The following KCNH8 variants were observed in gnomAD, a reference collection of about 807,000 sequenced individuals.
KCNH8 encodes the protein voltage-gated delayed rectifier potassium channel KCNH8.
In KCNH8, 70 loss-of-function variants were observed where a neutral mutation model predicts 103.6. The observed-to-expected ratio is 0.68, with a 90% CI of 0.56 to 0.82. KCNH8 has a LOEUF of 0.82. KCNH8 is among the 40% of genes least tolerant of loss of function. The probability of loss-of-function intolerance (pLI) is 0.00; values close to 1 mark genes in which losing one functional copy is unlikely to be tolerated. For missense variants in KCNH8, 1,217 were observed against 1,329.9 expected, an observed-to-expected ratio of 0.92 and a Z score of 1.32; for synonymous variants, 498 against 489.4, an observed-to-expected ratio of 1.02 and a Z score of -0.23.
rs2065748767 is a variant in KCNH8, at chr3:19,347,858, T to C, written c.704T>C (p.Val235Ala). The change falls in exon 5 of 16, where the codon GTT becomes GCT. Residue 235 changes from valine to alanine, a missense_variant. Physicochemically the swap from Val to Ala is moderately conservative, Grantham distance 64. Transcript: ENST00000328405. Reference sequence around the variant, plus strand: ...CTTATTTTGTTGGCAACGTTTTATGTTGCTGTGACTGTACCTTACAACGTT... The same window carrying C: ...CTTATTTTGTTGGCAACGTTTTATGCTGCTGTGACTGTACCTTACAACGTT... ...DWLILLATFYVAVTVPYNVCF... is the reference protein window; with the variant it reads ...DWLILLATFYAAVTVPYNVCF... 2 of 1,613,436 alleles carry C rather than the reference T, an allele frequency of 1.2e-6. No individual in the cohort carries two copies. Among genetic ancestry groups the C allele is most frequent in the Non-Finnish European group, 1.7e-6 (2 of 1,179,512 alleles).
intron 11 of KCNH8, among the ~76,000 whole-genome samples, chr3:19,494,332 G>A (rs894718483): frequency 2.0e-5 from 3 of 152,112 alleles, no homozygotes; most frequent in Admixed American, 6.6e-5. Flanking sequence ...ATGGGAGTGG[G>A]CCTTTCCCTT....
chr3:19,187,409 C>G (rs7429784), intron 1 of KCNH8, among the ~76,000 whole-genome samples: 2 of 151,952 alleles, frequency 1.3e-5, no homozygotes, highest in Non-Finnish European at 2.9e-5. Context: ...ACAACGGAGC[C>G]TATGCTAAAA....
intron 7 of KCNH8, among the ~76,000 whole-genome samples, chr3:19,421,304 T>C (rs2066947683): frequency 6.6e-6 from 1 of 152,124 alleles, no homozygotes. Context: ...GTATAAGATA[T>C]TTTGATCTAC....
chr3:19,335,489 A>G lies in KCNH8; in HGVS notation c.443-7098A>G, dbSNP rs1371420511. On this transcript the variant is annotated intron_variant, in intron 3 of 15. Transcript: ENST00000328405. ...TGTGTATATATATGTGTGTGTATAT[A>G]TATATATATATATATATATACTTTT... Among the ~76,000 whole-genome samples, 182 of 44,252 alleles carry G rather than the reference A, an allele frequency of 4.1e-3. 1 individual carries two copies. Among genetic ancestry groups the G allele is most frequent in the African/African-American group, 0.031 (121 of 3,908 alleles). 29.0% of individuals were successfully genotyped at this position (44,252 alleles called of 152,430 possible).
intron 3 of KCNH8, among the ~76,000 whole-genome samples, chr3:19,295,484 A>G (rs907225990): frequency 6.6e-6 from 1 of 152,204 alleles, no homozygotes; most frequent in African/African-American, 2.4e-5. Context: ...GTATGGATAT[A>G]CATTCTTGAT....
intron 11 of KCNH8, among the ~76,000 whole-genome samples, chr3:19,509,139 T>C (rs1447686363): frequency 6.6e-6 from 1 of 152,238 alleles, no homozygotes; most frequent in East Asian, 1.9e-4. Flanking sequence ...AAAACTTATG[T>C]CTAAAATGCA....
chr3:19,168,401 G>A (rs954980913), intron 1 of KCNH8, among the ~76,000 whole-genome samples: 8 of 152,106 alleles, frequency 5.3e-5, no homozygotes, highest in Admixed American at 3.3e-4. Context: ...AGTAGTTTTT[G>A]AAGTTGACTT....
chr3:19,353,349 C>T (rs2065831947), intron 5 of KCNH8, among the ~76,000 whole-genome samples: 2 of 152,130 alleles, frequency 1.3e-5, no homozygotes, highest in East Asian at 3.9e-4. Flanking sequence ...TTCAAATCAA[C>T]AGCAAAAGAG....
At chr3:19,427,154 T>C (rs1038752552) in intron 7 of KCNH8, among the ~76,000 whole-genome samples, 2 of 152,154 alleles carry the variant, frequency 1.3e-5, no homozygotes, top group Non-Finnish European at 2.9e-5. Context: ...TCCTTCAATG[T>C]TTAAAGGATA....
intron 1 of KCNH8, among the ~76,000 whole-genome samples, chr3:19,170,535 A>C (rs1383772156): frequency 6.7e-6 from 1 of 149,288 alleles, no homozygotes; most frequent in East Asian, 2.0e-4. Context: ...GGATGTTCCA[A>C]CTTCAATGTT....
At chr3:19,514,055 T>C (rs1376218010) in intron 13 of KCNH8, among the ~76,000 whole-genome samples, 2 of 152,146 alleles carry the variant, frequency 1.3e-5, no homozygotes, top group East Asian at 1.9e-4. Context: ...ACATTCACAA[T>C]TGCATTTAAT....
chr3:19,324,415 A>G (rs531294446), intron 3 of KCNH8, among the ~76,000 whole-genome samples: 4 of 151,860 alleles, frequency 2.6e-5, no homozygotes, highest in Non-Finnish European at 5.9e-5. Flanking sequence ...ATCAGATCTC[A>G]TGAGAACTCA....
chr3:19,297,253 T>G (rs934082231), intron 3 of KCNH8, among the ~76,000 whole-genome samples: 1 of 152,190 alleles, frequency 6.6e-6, no homozygotes, highest in African/African-American at 2.4e-5. Context: ...GAATCCCGAT[T>G]TGATTTTTTA....
At chr3:19,362,813 C>CA (rs993961605) in intron 5 of KCNH8, among the ~76,000 whole-genome samples, 13 of 152,090 alleles carry the variant, frequency 8.5e-5, no homozygotes, top group African/African-American at 2.9e-4. Context: ...CATGTGCCAT[C>CA]ACGCCTGGCT....
rs1469639400 is a variant in KCNH8 at position 19,382,950 on chromosome 3, T to A, written c.812-7531T>A. On this transcript the variant is annotated intron_variant, in intron 5 of 15. Transcript: ENST00000328405. ...CTAGGCTGACAGAAGATCCACATCT[T>A]GTCATATGCTTCCATAATTATCAAG... is the stretch of plus-strand genomic sequence containing the variant. Among the ~76,000 whole-genome samples, 5 of 152,240 alleles carry A rather than the reference T, an allele frequency of 3.3e-5. No homozygotes were observed. The East Asian group carries it at 9.7e-4, about 29-fold the overall frequency.
Position 19,265,176 on chromosome 3 carries a change from T to C in KCNH8, c.310+11289T>C, listed in dbSNP as rs570080850. Among the ~76,000 whole-genome samples, 16 of 152,180 alleles carry C rather than the reference T, an allele frequency of 1.1e-4. 1 individual carries two copies. The South Asian group carries it at 3.3e-3, about 32-fold the overall frequency. On this transcript the variant is annotated intron_variant, in intron 2 of 15. Transcript: ENST00000328405. Reference sequence around the variant, plus strand: ...AAGTATGTATTCTAGTTCAGTGACTTTGCTTGTTTGAGCCCCAGCTTGATC... The same window carrying C: ...AAGTATGTATTCTAGTTCAGTGACTCTGCTTGTTTGAGCCCCAGCTTGATC...
At chr3:19,350,055 C>T (rs1275618810) in intron 5 of KCNH8, among the ~76,000 whole-genome samples, 4 of 152,058 alleles carry the variant, frequency 2.6e-5, no homozygotes, top group Admixed American at 2.6e-4. Context: ...TAAAAACTTT[C>T]CTATTCTTTC....
chr3:19,350,650 C>A (rs976572725), intron 5 of KCNH8, among the ~76,000 whole-genome samples: 1 of 152,122 alleles, frequency 6.6e-6, no homozygotes, highest in Admixed American at 6.6e-5. Flanking sequence ...CTCCAACAGA[C>A]CTGCAGCTGA....
chr3:19,486,669 A>G (rs575110346), intron 11 of KCNH8, among the ~76,000 whole-genome samples: 9 of 152,300 alleles, frequency 5.9e-5, no homozygotes, highest in African/African-American at 1.9e-4. Context: ...TTTTTCCTTT[A>G]ACTTACAAAA....
Sources: gnomAD v4.1 joint callset for allele counts (sites outside exome capture counted in the v4.1 genomes callset) on GRCh38, gnomAD v4.1.1 for gene constraint, MANE v1.5 for transcripts, NCBI Gene and HGNC (gene_info 2026-07-23, HGNC 2026-07-21) for gene names.